Variants in LRRTM4 observed in about 807,000 individuals in gnomAD.
The protein encoded by LRRTM4 is leucine rich repeat transmembrane neuronal 4, also known as leucine-rich repeat transmembrane neuronal protein 4.
In LRRTM4, 25 loss-of-function variants were observed where a neutral mutation model predicts 47.6. The ratio of observed to expected loss-of-function variants is 0.53; its 90% CI spans 0.38 to 0.73. The LOEUF is 0.73. Among genes scored for constraint, LRRTM4 ranks in the 30% least tolerant of loss-of-function variants. The pLI is 0.00. For missense variants in LRRTM4, 638 were observed against 713.4 expected, an observed-to-expected ratio of 0.89 and a Z score of 1.20; for synonymous variants, 311 against 269.5, an observed-to-expected ratio of 1.15 and a Z score of -1.51.
At chr2:77,219,658 T>C (rs1457365716) in intron 3 of LRRTM4, among the ~76,000 whole-genome samples, 1 of 152,102 alleles carries the variant, frequency 6.6e-6, no homozygotes, top group Non-Finnish European at 1.5e-5. Context: ...AATCAGGGCA[T>C]GATGGAAAGA....
intron 3 of LRRTM4, among the ~76,000 whole-genome samples, chr2:77,231,220 C>CATGCACACACACACAG (rs1275341585): frequency 2.0e-5 from 3 of 151,754 alleles, no homozygotes; most frequent in Admixed American, 6.6e-5. Context: ...CACACACACA[C>CATGCACACACACACAG]ATGCACACAC....
Position 77,343,024 on chromosome 2 carries a change from G to A in LRRTM4, c.1551+175294C>T, listed in dbSNP as rs1393305654. ...TTCTAGTTATGACTAAAGCTCTTTTGCAGTAAGACAGTTTGAAGTTGGTAT... is the reference window on the plus strand; with the variant it reads ...TTCTAGTTATGACTAAAGCTCTTTTACAGTAAGACAGTTTGAAGTTGGTAT... On this transcript the variant is annotated intron_variant, in intron 3 of 3. Coordinates refer to ENST00000409884, the MANE Select transcript of LRRTM4 (RefSeq NM_001134745.3). Among the ~76,000 whole-genome samples, 3 of 151,926 alleles carry A rather than the reference G, an allele frequency of 2.0e-5. No individual in the cohort carries two copies. In the East Asian group the frequency reaches 5.8e-4, roughly 29 times the overall value.
At chr2:77,180,692 A>G (rs951049630) in intron 3 of LRRTM4, among the ~76,000 whole-genome samples, 1 of 152,146 alleles carries the variant, frequency 6.6e-6, no homozygotes, top group Non-Finnish European at 1.5e-5. Context: ...TTCCATTTGT[A>G]TTTGAAAAGA....
chr2:77,273,102 G>A (rs1188116351), intron 3 of LRRTM4, among the ~76,000 whole-genome samples: 1 of 152,010 alleles, frequency 6.6e-6, no homozygotes, highest in Non-Finnish European at 1.5e-5. Context: ...TTTTCATCCT[G>A]TTAATTTCCA....
At chr2:77,240,972 T>A (rs1019104395) in intron 3 of LRRTM4, among the ~76,000 whole-genome samples, 2 of 152,046 alleles carry the variant, frequency 1.3e-5, no homozygotes, top group Non-Finnish European at 2.9e-5. Context: ...GTTAAAATGC[T>A]GATTTTCCCC....
At chr2:76,844,801 C>T (rs1370579533) in intron 3 of LRRTM4, among the ~76,000 whole-genome samples, 1 of 151,986 alleles carries the variant, frequency 6.6e-6, no homozygotes, top group Non-Finnish European at 1.5e-5. Context: ...ATAATATTAC[C>T]AAACTCATAC....
chr2:76,809,593 CTCT>C (rs1418896453), intron 3 of LRRTM4, among the ~76,000 whole-genome samples: 1 of 152,164 alleles, frequency 6.6e-6, no homozygotes, highest in Non-Finnish European at 1.5e-5. Flanking sequence ...AGAGCAATTT[CTCT>C]TCTTCCATTC....
chr2:77,110,388 C>A (rs1162541206), intron 3 of LRRTM4, among the ~76,000 whole-genome samples: 1 of 152,126 alleles, frequency 6.6e-6, no homozygotes, highest in African/African-American at 2.4e-5. Context: ...CACAACCTTG[C>A]TAAAGTTTCT....
chr2:77,194,853 C>G (rs72809103), intron 3 of LRRTM4, among the ~76,000 whole-genome samples: 9,987 of 151,384 alleles, frequency 0.066, 435 homozygotes, highest in East Asian at 0.21. Flanking sequence ...TTTGGGTTTT[C>G]TTTCACTTAC....
intron 3 of LRRTM4, among the ~76,000 whole-genome samples, chr2:77,447,133 T>C (rs944205777): frequency 6.6e-6 from 1 of 152,106 alleles, no homozygotes; most frequent in African/African-American, 2.4e-5. Context: ...TGGATATTTA[T>C]GGGAGAAGCT....
At chr2:77,028,415 T>C (rs529593311) in intron 3 of LRRTM4, among the ~76,000 whole-genome samples, 2 of 152,090 alleles carry the variant, frequency 1.3e-5, no homozygotes, top group Non-Finnish European at 2.9e-5. Context: ...CCTCACTTCA[T>C]TAACACACTT....
chr2:76,873,506 G>GTT (rs367573475), intron 3 of LRRTM4, among the ~76,000 whole-genome samples: 1 of 112,312 alleles, frequency 8.9e-6, no homozygotes, highest in East Asian at 2.5e-4. Context: ...ATATATGTGT[G>GTT]TATATATATA....
rs1258681443 is a variant in LRRTM4 at position 76,846,879 on chromosome 2, A to C, written c.1552-97963T>G. Among the ~76,000 whole-genome samples, 55 of 150,826 alleles carry C rather than the reference A, an allele frequency of 3.6e-4. 1 individual carries two copies. The highest frequency in any genetic ancestry group is 4.4e-5 in the Non-Finnish European group (3 of 68,004). Reference sequence around the variant, plus strand: ...GATCAAGTGTGCATAATTAATTTTAAATGATGTTAGAAAGTAAAAAGGTCA... The same window carrying C: ...GATCAAGTGTGCATAATTAATTTTACATGATGTTAGAAAGTAAAAAGGTCA... On this transcript the variant is annotated intron_variant, in intron 3 of 3. Transcript: ENST00000409884.
At chr2:76,797,314 C>T (rs1212692351) in intron 3 of LRRTM4, among the ~76,000 whole-genome samples, 2 of 152,042 alleles carry the variant, frequency 1.3e-5, no homozygotes, top group Non-Finnish European at 2.9e-5. Flanking sequence ...CAATATTCAA[C>T]ATTCTTAAAG....
At chr2:76,870,052 G>A (rs10170973) in intron 3 of LRRTM4, among the ~76,000 whole-genome samples, 82,428 of 151,868 alleles carry the variant, frequency 0.54, 23,718 homozygotes, top group African/African-American at 0.73. Flanking sequence ...CAAAACATAT[G>A]GATTAACAGT....
chr2:77,259,581 A>C (rs1429599684), intron 3 of LRRTM4, among the ~76,000 whole-genome samples: 8 of 152,136 alleles, frequency 5.3e-5, no homozygotes, highest in South Asian at 2.1e-4. Context: ...TGGTAAAATA[A>C]AAGAAGTTTG....
At chr2:77,246,780 G>A (rs1010781711) in intron 3 of LRRTM4, among the ~76,000 whole-genome samples, 3 of 151,914 alleles carry the variant, frequency 2.0e-5, no homozygotes, top group Non-Finnish European at 4.4e-5. Flanking sequence ...ATAATAATAT[G>A]CCTATATATG....
intron 3 of LRRTM4, among the ~76,000 whole-genome samples, chr2:77,256,703 C>A (rs1160757184): frequency 6.6e-6 from 1 of 152,152 alleles, no homozygotes; most frequent in Non-Finnish European, 1.5e-5. Flanking sequence ...AAACCTCTTT[C>A]TTTTATAAAT....
At chr2:76,749,636 C>A (rs1044208497) in intron 3 of LRRTM4, among the ~76,000 whole-genome samples, 2 of 152,036 alleles carry the variant, frequency 1.3e-5, no homozygotes, top group Admixed American at 6.6e-5. Context: ...AAATATGTGT[C>A]TAATGTTAGC....
Sources: allele counts gnomAD v4.1 joint callset (sites outside exome capture counted in the v4.1 genomes callset), GRCh38; gene constraint gnomAD v4.1.1; transcripts MANE v1.5; gene names NCBI Gene and HGNC (gene_info 2026-07-23, HGNC 2026-07-21).